ATXN10: variants seen among roughly 807,000 people sequenced by gnomAD.
The protein encoded by ATXN10 is ataxin-10.
In ATXN10, 28 loss-of-function variants were observed where a neutral mutation model predicts 52.9. That is an observed-to-expected ratio of 0.53 (90% confidence interval 0.39 to 0.73). The LOEUF is 0.73. Among genes scored for constraint, ATXN10 ranks in the 30% least tolerant of loss-of-function variants. ATXN10 has a pLI of 0.00. For missense variants in ATXN10, 565 were observed against 577.0 expected, an observed-to-expected ratio of 0.98 and a Z score of 0.21; for synonymous variants, 226 against 221.5, an observed-to-expected ratio of 1.02 and a Z score of -0.18.
rs1387942991 is a variant in ATXN10, at chr22:45,844,608, A to G, written c.*937A>G. ...GTTCATCTATCTATCTGTCTGCTGTATGAGAGGTAGGACTGGATTAAATGA... is the reference window on the plus strand; with the variant it reads ...GTTCATCTATCTATCTGTCTGCTGTGTGAGAGGTAGGACTGGATTAAATGA... On this transcript the variant is annotated 3_prime_UTR_variant, in exon 12 of 12. Transcript: ENST00000252934. 1 of 152,202 alleles carries G rather than the reference A, an allele frequency of 6.6e-6. No homozygotes were observed. The highest frequency in any genetic ancestry group is 1.5e-5 in the Non-Finnish European group (1 of 68,036). 9.4% of individuals were successfully genotyped at this position (152,202 alleles called of 1,614,324 possible).
chr22:45,760,884 G>T (rs544288376), intron 9 of ATXN10, among the ~76,000 whole-genome samples: 3 of 152,132 alleles, frequency 2.0e-5, no homozygotes, highest in Non-Finnish European at 4.4e-5. Context: ...CCCAGTGTGC[G>T]GAGTGGATTC....
intron 5 of ATXN10, among the ~76,000 whole-genome samples, chr22:45,706,689 C>T (rs1459742647): frequency 8.1e-4 from 1 of 1,236 alleles, no homozygotes; most frequent in Non-Finnish European, 1.6e-3. Context: ...GTTTAATTTC[C>T]ACATATTTGT....
intron 7 of ATXN10, 154 bp from the exon 8 acceptor site, chr22:45,738,577 T>G: frequency 7.7e-6 from 5 of 648,586 alleles, no homozygotes; most frequent in East Asian, 2.8e-5. Context: ...CATACTTCTG[T>G]TTTGTTCTTC....
Position 45,696,331 on chromosome 22 carries a change from T to C in ATXN10, c.391+3253T>C, listed in dbSNP as rs1003418600. On this transcript the variant is annotated intron_variant, in intron 3 of 11. Transcript: ENST00000252934. This position sits in a 1 kb window ranked among gnomAD's most constrained non-coding sequence, Gnocchi z 4.7. ...AGTAATTGAGAAAGAAAGTTGAGAA[T>C]GTACTGTGTTTTATAATTGGTGATC... Among the ~76,000 whole-genome samples the C allele has an allele frequency of 2.0e-4, 31 of 152,186 alleles. No homozygotes were observed. The highest frequency in any genetic ancestry group is 1.0e-4 in the Non-Finnish European group (7 of 68,032).
At chr22:45,822,799 G>A (rs1010490439) in intron 10 of ATXN10, among the ~76,000 whole-genome samples, 1 of 152,148 alleles carries the variant, frequency 6.6e-6, no homozygotes, top group Admixed American at 6.5e-5. Context: ...TGGGATTACA[G>A]ATGTGAGCCA....
rs1329327580 is a variant in ATXN10 at position 45,727,604 on chromosome 22, C to A, written c.729-1821C>A. 6.6e-6 allele frequency among the ~76,000 whole-genome samples: 1 copy of A among 151,894 alleles called. No homozygotes were observed. The highest frequency in any genetic ancestry group is 1.5e-5 in the Non-Finnish European group (1 of 67,968). On this transcript the variant is annotated intron_variant, in intron 6 of 11. Coordinates refer to ENST00000252934, the MANE Select transcript of ATXN10 (RefSeq NM_013236.4). This position sits in a 1 kb window ranked among gnomAD's most constrained non-coding sequence, Gnocchi z 4.6. The stretch of plus-strand genomic sequence containing the variant: ...TCGAATGCCCGATCTCAGGTGATCC[C>A]CCATCCTCGGCCTCCCAAAGTACTG...
rs1397258380 is a variant in ATXN10, at chr22:45,842,946, T to C, written c.1238-45T>C. The C allele has an allele frequency of 6.3e-7, 1 of 1,586,724 alleles. No homozygotes were observed. Among genetic ancestry groups the C allele is most frequent in the Non-Finnish European group, 8.7e-7 (1 of 1,155,090 alleles). ...TTCTGATAATTCTTATGTGAAGTTA[T>C]CAAACAGGAAAGTACGTTGTCACAT... On this transcript the variant is annotated intron_variant, in intron 10 of 11. Coordinates refer to ENST00000252934, the MANE Select transcript of ATXN10 (RefSeq NM_013236.4). The surrounding 1 kb of genome is among the most constrained non-coding windows in gnomAD (Gnocchi z 4.8).
chr22:45,742,593 C>T (rs1181438996), intron 9 of ATXN10, among the ~76,000 whole-genome samples: 2 of 151,216 alleles, frequency 1.3e-5, no homozygotes, highest in Non-Finnish European at 1.5e-5. Flanking sequence ...AGAGCCAGTA[C>T]ACTTTAAGAT....
intron 3 of ATXN10, among the ~76,000 whole-genome samples, chr22:45,695,103 G>T (rs1302570773): frequency 6.6e-6 from 1 of 151,850 alleles, no homozygotes. Context: ...GGCTGAAGTG[G>T]GCGGATCACG....
Position 45,733,643 on chromosome 22 carries a change from G to T in ATXN10, c.894+4053G>T, listed in dbSNP as rs1240835063. On this transcript the variant is annotated intron_variant, in intron 7 of 11. Coordinates refer to ENST00000252934, the MANE Select transcript of ATXN10 (RefSeq NM_013236.4). This position sits in a 1 kb window ranked among gnomAD's most constrained non-coding sequence, Gnocchi z 4.4. ...CCCAGCTACTCGGGAGGCTGTCCCA[G>T]CTACTCGGGAGGCGGAGGCAGAGAA... 2.0e-5 allele frequency among the ~76,000 whole-genome samples: 3 copies of T among 152,062 alleles called. No individual in the cohort carries two copies. Among genetic ancestry groups the T allele is most frequent in the Non-Finnish European group, 4.4e-5 (3 of 68,008 alleles).
intron 5 of ATXN10, among the ~76,000 whole-genome samples, chr22:45,709,791 G>A (rs1247362597): frequency 6.6e-6 from 1 of 152,202 alleles, no homozygotes; most frequent in East Asian, 1.9e-4. Context: ...TGAAGGCTGC[G>A]TCCAAACTTT....
At chr22:45,740,304 C>T in intron 8 of ATXN10, 65 bp from the exon 9 acceptor site, 1 of 1,501,826 alleles carries the variant, frequency 6.7e-7, no homozygotes, top group Non-Finnish European at 9.3e-7. Context: ...CTATGGAAAA[C>T]TATTAGTACA....
chr22:45,741,812 C>T (rs1252453841), intron 9 of ATXN10, among the ~76,000 whole-genome samples: 4 of 152,156 alleles, frequency 2.6e-5, no homozygotes, highest in Admixed American at 1.3e-4. Flanking sequence ...TGAAGACACT[C>T]GAATTTGACA....
intron 10 of ATXN10, among the ~76,000 whole-genome samples, chr22:45,807,935 G>T (rs1252502158): frequency 1.3e-5 from 2 of 152,230 alleles, no homozygotes; most frequent in Non-Finnish European, 2.9e-5. Context: ...CTTCTGCCAA[G>T]AAGAGAAAAG....
rs1035321260 is a variant in ATXN10 at position 45,837,126 on chromosome 22, G to A, written c.1238-5865G>A. On this transcript the variant is annotated intron_variant, in intron 10 of 11. Coordinates refer to ENST00000252934, the MANE Select transcript of ATXN10 (RefSeq NM_013236.4). This position sits in a 1 kb window ranked among gnomAD's most constrained non-coding sequence, Gnocchi z 5.8. ...AATGCAGATATTACATATAATATAT[G>A]TATCTGTTATACAGATATTATAAAT... is the stretch of plus-strand genomic sequence containing the variant. Among the ~76,000 whole-genome samples, 3 of 152,082 alleles carry A rather than the reference G, an allele frequency of 2.0e-5. No individual in the cohort carries two copies. The highest frequency in any genetic ancestry group is 7.3e-5 in the African/African-American group (3 of 41,376).
rs1358517338 is a variant in ATXN10, at chr22:45,805,741, T to C, written c.1174-1218T>C. ...CTGCCAGTGGGTGTGGAGTTTCTTT[T>C]AGGGGTGAGGAAAATGTTGGAAAAT... On this transcript the variant is annotated intron_variant, in intron 9 of 11. Coordinates refer to ENST00000252934, the MANE Select transcript of ATXN10 (RefSeq NM_013236.4). This position sits in a 1 kb window ranked among gnomAD's most constrained non-coding sequence, Gnocchi z 4.4. Among the ~76,000 whole-genome samples the C allele has an allele frequency of 1.3e-5, 2 of 152,282 alleles. No homozygotes were observed. Among genetic ancestry groups the C allele is most frequent in the Admixed American group, 6.5e-5 (1 of 15,300 alleles).
At position 45,718,679 on chromosome 22, in the gene ATXN10, G is replaced by A. The variant is rs1004801755; in HGVS notation, c.728+186G>A. Among the ~76,000 whole-genome samples, 5 of 152,310 alleles carry A rather than the reference G, an allele frequency of 3.3e-5. No individual in the cohort carries two copies. Among genetic ancestry groups the A allele is most frequent in the Non-Finnish European group, 7.4e-5 (5 of 68,022 alleles). ...TTAGCCACAGTAGGCAGTGATTTAT[G>A]GAGGGTAGCAGGATCCAGGTTGGTG... On this transcript the variant is annotated intron_variant, in intron 6 of 11. Coordinates refer to ENST00000252934, the MANE Select transcript of ATXN10 (RefSeq NM_013236.4). The surrounding 1 kb of genome is among the most constrained non-coding windows in gnomAD (Gnocchi z 4.4).
intron 5 of ATXN10, among the ~76,000 whole-genome samples, chr22:45,714,410 C>A (rs112346622): frequency 6.6e-6 from 1 of 151,780 alleles, no homozygotes; most frequent in Non-Finnish European, 1.5e-5. Flanking sequence ...TTTGAGACAG[C>A]GTCTCTGTCA....
rs1284562595 is a variant in ATXN10 at position 45,790,431 on chromosome 22, T to C, written c.1174-16528T>C. Among the ~76,000 whole-genome samples, 1 of 152,222 alleles carries C rather than the reference T, an allele frequency of 6.6e-6. No individual in the cohort carries two copies. The highest frequency in any genetic ancestry group is 1.5e-5 in the Non-Finnish European group (1 of 68,044). On this transcript the variant is annotated intron_variant, in intron 9 of 11. Transcript: ENST00000252934. This position sits in a 1 kb window ranked among gnomAD's most constrained non-coding sequence, Gnocchi z 4.7. ...TAGAAAACAAGCCAATTCCTGGTCT[T>C]CTAATAGTTACCCCAAGCAAAAGTA...
Sources: allele counts gnomAD v4.1 joint callset (sites outside exome capture counted in the v4.1 genomes callset), GRCh38; gene constraint gnomAD v4.1.1; non-coding constraint Gnocchi (gnomAD v3.1); transcripts MANE v1.5; gene names NCBI Gene and HGNC (gene_info 2026-07-23, HGNC 2026-07-21).